USH2A: variants seen among roughly 807,000 people sequenced by gnomAD.
The protein encoded by USH2A is usherin.
A neutral mutation model predicts 538.9 loss-of-function variants in USH2A; 443 were observed. That is an observed-to-expected ratio of 0.82 (90% CI 0.76 to 0.89). The LOEUF (loss-of-function observed/expected upper bound fraction) is 0.89, where lower values mean the gene tolerates loss of function less well. Among genes scored for constraint, USH2A ranks in the 40% least tolerant of loss-of-function variants. The pLI, the probability that USH2A is intolerant of heterozygous loss-of-function variation, is 0.00. For missense variants in USH2A, 6,633 were observed against 6,324.8 expected, an observed-to-expected ratio of 1.05 and a Z score of -1.65; for synonymous variants, 2,413 against 2,273.5, an observed-to-expected ratio of 1.06 and a Z score of -1.75.
At chr1:215,948,710 G>A (rs546528053) in intron 37 of USH2A, among the ~76,000 whole-genome samples, 6 of 151,858 alleles carry the variant, frequency 4.0e-5, no homozygotes, top group Non-Finnish European at 8.8e-5. Flanking sequence ...ATTTTATAAG[G>A]ATTTTCCTGT....
At chr1:215,859,377 A>T (rs1193593892) in intron 44 of USH2A, among the ~76,000 whole-genome samples, 1 of 152,060 alleles carries the variant, frequency 6.6e-6, no homozygotes, top group Non-Finnish European at 1.5e-5. Flanking sequence ...TACTAAAAAT[A>T]CAAAAAATCA....
chr1:216,070,059 A>G lies in USH2A; in HGVS notation c.6049+42T>C, dbSNP rs777938642. On this transcript the variant is annotated intron_variant, in intron 30 of 71. Transcript: ENST00000307340. ...ATTTTTATTTAAAATGCAAACAAAA[A>G]GGAAGTTAATAGGGTCTACTCTGTT... 8 of 1,603,504 alleles carry G rather than the reference A, an allele frequency of 5.0e-6. No individual in the cohort carries two copies. The South Asian group carries it at 8.8e-5, about 18-fold the overall frequency.
chr1:215,786,607 G>T (rs1661807659), intron 52 of USH2A, 63 bp downstream of exon 52: 1 of 1,558,076 alleles, frequency 6.4e-7, no homozygotes. Context: ...AAATAAATCT[G>T]CATTTTCAGC....
At chr1:216,056,134 A>G (rs1263052398) in intron 30 of USH2A, among the ~76,000 whole-genome samples, 2 of 152,220 alleles carry the variant, frequency 1.3e-5, no homozygotes, top group African/African-American at 4.8e-5. Flanking sequence ...TTTTTAATCA[A>G]TGCCTTTGTG....
chr1:215,732,544 CTTTTTTTTTTTTTTTTTTT>C (rs141549439), intron 60 of USH2A, among the ~76,000 whole-genome samples: 4 of 73,558 alleles, frequency 5.4e-5, no homozygotes, highest in Non-Finnish European at 9.2e-5. Flanking sequence ...TTTTTTCTTT[CTTTTTTTTTTTTTTTTTTT>C]TTTTTTTTTG....
At chr1:215,669,927 A>G (rs1323961704) in intron 64 of USH2A, among the ~76,000 whole-genome samples, 1 of 152,120 alleles carries the variant, frequency 6.6e-6, no homozygotes, top group African/African-American at 2.4e-5. Context: ...AAGCTTTTTA[A>G]GGCTCAGTTT....
chr1:215,632,449 T>G (rs1656313179), intron 70 of USH2A, among the ~76,000 whole-genome samples: 1 of 152,170 alleles, frequency 6.6e-6, no homozygotes, highest in Non-Finnish European at 1.5e-5. Flanking sequence ...GGTCACTAAG[T>G]TAACCAAGTA....
intron 9 of USH2A, among the ~76,000 whole-genome samples, chr1:216,312,385 T>A (rs2037438200): frequency 6.6e-6 from 1 of 152,180 alleles, no homozygotes; most frequent in African/African-American, 2.4e-5. Context: ...CAAATATTTC[T>A]TCTGTTCCTT....
intron 21 of USH2A, among the ~76,000 whole-genome samples, chr1:216,115,112 TTTTTG>T (rs144536893): frequency 0.85 from 126,257 of 148,454 alleles, 53,825 homozygotes; most frequent in African/African-American, 0.9. Context: ...TATTTATTTA[TTTTTG>T]TTTTGTTTTG....
intron 64 of USH2A, among the ~76,000 whole-genome samples, chr1:215,663,204 G>A (rs1182121879): frequency 6.6e-6 from 1 of 152,044 alleles, no homozygotes; most frequent in Non-Finnish European, 1.5e-5. Flanking sequence ...TCTTAACCTG[G>A]CTTTTTTACA....
At chr1:216,397,385 T>C (rs4846422) in intron 3 of USH2A, among the ~76,000 whole-genome samples, 90,087 of 152,012 alleles carry the variant, frequency 0.59, 27,741 homozygotes, top group East Asian at 0.8. Flanking sequence ...GATACCTAGA[T>C]GGCTGGTAAA....
chr1:216,278,171 C>A (rs1453920943), intron 11 of USH2A, among the ~76,000 whole-genome samples: 2 of 152,036 alleles, frequency 1.3e-5, no homozygotes, highest in Admixed American at 1.3e-4. Flanking sequence ...GCCTTAAATG[C>A]CTGAGGTATT....
intron 30 of USH2A, among the ~76,000 whole-genome samples, chr1:216,066,203 G>A (rs1256609831): frequency 2.0e-5 from 3 of 151,890 alleles, no homozygotes; most frequent in Non-Finnish European, 2.9e-5. Flanking sequence ...GGGCACTGTG[G>A]CTCACGCCTG....
intron 28 of USH2A, 61 bp downstream of exon 28, chr1:216,073,036 G>A: frequency 1.9e-6 from 3 of 1,612,520 alleles, no homozygotes; most frequent in Non-Finnish European, 2.5e-6. Flanking sequence ...GGGCTGGCAG[G>A]GAGGGAAAGG....
chr1:216,385,724 G>C (rs967006164), intron 3 of USH2A, among the ~76,000 whole-genome samples: 1 of 152,102 alleles, frequency 6.6e-6, no homozygotes, highest in Non-Finnish European at 1.5e-5. Context: ...GCTTTATTCC[G>C]GTTTCTATCA....
In USH2A at chr1:215,630,472, A is replaced by ATGTG. The variant is rs200498400; in HGVS notation, c.15298-1441_15298-1438dup. Among the ~76,000 whole-genome samples the ATGTG allele has an allele frequency of 1.1e-3, 71 of 64,036 alleles. 1 individual carries two copies. The South Asian group carries it at 0.014, about 13-fold the overall frequency. The allele number at this position is 64,036 out of a possible 152,430, so 42.0% of individuals were successfully genotyped here. A position where few individuals can be genotyped will look rare whatever the true frequency, so the allele number is the denominator to read the frequency against. ...TATATGTGAATATATATGTATGTGT[A>ATGTG]TGTGTGTGTGTATATATATATATAT... On this transcript the variant is annotated intron_variant, in intron 70 of 71. Transcript: ENST00000307340.
rs535971045 is a variant in USH2A, at chr1:215,932,724, G to A, written c.7300+1892C>T. ...TTCTGAATACATAAAGTGGAGGATT[G>A]CATCAGGCCCAGAGAGTGTGGGCCT... On this transcript the variant is annotated intron_variant, in intron 38 of 71. Coordinates refer to ENST00000307340, the MANE Select transcript of USH2A (RefSeq NM_206933.4). 1.6e-4 allele frequency among the ~76,000 whole-genome samples: 25 copies of A among 152,150 alleles called. No individual in the cohort carries two copies. The South Asian group carries it at 5.2e-3, about 32-fold the overall frequency.
chr1:215,667,295 A>G (rs562778780), intron 64 of USH2A, among the ~76,000 whole-genome samples: 1 of 152,208 alleles, frequency 6.6e-6, no homozygotes, highest in Non-Finnish European at 1.5e-5. Context: ...GGAGCTAGTT[A>G]TCAAGCTGGT....
intron 35 of USH2A, among the ~76,000 whole-genome samples, chr1:215,988,440 A>G (rs1667930733): frequency 6.6e-6 from 1 of 152,196 alleles, no homozygotes; most frequent in Non-Finnish European, 1.5e-5. Context: ...CTGTCCATAG[A>G]CACTTAGGTT....
Sources: gnomAD v4.1 joint callset for allele counts (sites outside exome capture counted in the v4.1 genomes callset) on GRCh38, gnomAD v4.1.1 for gene constraint, MANE v1.5 for transcripts, NCBI Gene and HGNC (gene_info 2026-07-23, HGNC 2026-07-21) for gene names.